The following RPL37A variants were observed in gnomAD, a reference collection of about 807,000 sequenced individuals.
RPL37A encodes the protein large ribosomal subunit protein eL43.
Under a neutral mutation model 13.6 loss-of-function variants are expected in RPL37A, and 5 were observed. That is an observed-to-expected ratio of 0.37 (90% confidence interval 0.19 to 0.78). RPL37A has a LOEUF of 0.78. RPL37A is among the 30% of genes least tolerant of loss of function. The probability of loss-of-function intolerance (pLI) is 0.49; values close to 1 mark genes in which losing one functional copy is unlikely to be tolerated. For missense variants in RPL37A, 77 were observed against 120.0 expected (o/e 0.64, Z 1.67); for synonymous variants, 50 against 44.4 (o/e 1.13, Z -0.50).
intron 2 of RPL37A, chr2:216,499,719 G>A (rs1010156005): frequency 3.1e-5 from 21 of 684,826 alleles, no homozygotes; most frequent in Non-Finnish European, 5.0e-5. Context: ...CTCCCAAGAT[G>A]TCTGTGCATC....
Position 216,499,955 on chromosome 2 carries a change from A to T in RPL37A, c.139A>T (p.Met47Leu). Reference protein sequence around the residue: ...YTCSFCGKTKMKRRAVGIWHC... With the variant: ...YTCSFCGKTKLKRRAVGIWHC... ...AATTGGTTCTCTTTTATAGACCAAG[A>T]TGAAGAGACGAGCTGTGGGGATCTG... Residue 47 changes from methionine to leucine, a missense_variant, in exon 3 of 4, where the codon ATG becomes TTG. Around this residue, in one of 3 missense-constraint regions of RPL37A, gnomAD observed 59 missense variants for 65.5 expected, o/e 0.90. Coordinates refer to ENST00000491306, the MANE Select transcript of RPL37A (RefSeq NM_000998.5). 2 of 1,613,924 alleles carry T rather than the reference A, an allele frequency of 1.2e-6. No homozygotes were observed. The highest frequency in any genetic ancestry group is 1.7e-6 in the Non-Finnish European group (2 of 1,179,756).
chr2:216,501,251 C>T (rs1574497914), intron 3 of RPL37A, 90 bp from the exon 4 acceptor site: 1 of 1,109,372 alleles, frequency 9.0e-7, no homozygotes, highest in East Asian at 2.4e-5. Context: ...TGGGAAGCGA[C>T]TTTAACACAA....
chr2:216,498,848 C>T lies in RPL37A; in HGVS notation c.-27C>T, dbSNP rs763385662. The T allele has an allele frequency of 1.7e-5, 27 of 1,613,986 alleles. No individual in the cohort carries two copies. The highest frequency in any genetic ancestry group is 1.6e-4 in the African/African-American group (12 of 74,948). ...GCCTGCGCACCGCGTCTCTTCCTTT[C>T]TGGGCTCGGACCTAGGTCGCGGCGA... On this transcript the variant is annotated 5_prime_UTR_variant, in exon 1 of 4. Coordinates refer to ENST00000491306, the MANE Select transcript of RPL37A (RefSeq NM_000998.5).
intron 3 of RPL37A, chr2:216,500,344 T>G: frequency 2.7e-6 from 1 of 370,946 alleles, no homozygotes; most frequent in Non-Finnish European, 5.0e-6. Flanking sequence ...GAACGTTGAT[T>G]TGCACTGCAA....
In RPL37A at chr2:216,499,916, T is replaced by C. The variant is rs137957579; in HGVS notation, c.133-33T>C. 3,980 of 1,553,028 alleles carry C rather than the reference T, an allele frequency of 2.6e-3. 6 individuals carry two copies. Among genetic ancestry groups the C allele is most frequent in the Non-Finnish European group, 3.4e-3 (3,774 of 1,124,394 alleles). ...ATGCTTGTAAGAGAAAATACTTACT[T>C]GGTTCATAGTGAAAATTGGTTCTCT... is the stretch of plus-strand genomic sequence containing the variant. On this transcript the variant is annotated intron_variant, in intron 2 of 3. Coordinates refer to ENST00000491306, the MANE Select transcript of RPL37A (RefSeq NM_000998.5).
At chr2:216,499,081 A>AC (rs1695551314) in intron 1 of RPL37A, 189 bp from the exon 2 acceptor site, 1 of 1,136,360 alleles carries the variant, frequency 8.8e-7, no homozygotes, top group African/African-American at 1.6e-5. Flanking sequence ...AGCCGGGTTA[A>AC]CGCCGGGCCT....
chr2:216,499,172 C>G, intron 1 of RPL37A, 98 bp from the exon 2 acceptor site: 1 of 1,396,430 alleles, frequency 7.2e-7, no homozygotes, highest in Non-Finnish European at 9.8e-7. Flanking sequence ...ATTCACATGT[C>G]GGTCACACGT....
In RPL37A at chr2:216,499,372, A is replaced by G. The variant is rs1804336; in HGVS notation, c.106A>G (p.Lys36Glu). 22 of 1,614,208 alleles carry G rather than the reference A, an allele frequency of 1.4e-5. 2 individuals are homozygous for G. The South Asian group carries it at 2.4e-4, about 18-fold the overall frequency. ...GAAAATTGAAATCAGCCAGCACGCC[A>G]AGTACACTTGCTCTTTCTGTGGCAA... ...VKKIEISQHA[K>E]YTCSFCGKTK... Residue 36 changes from lysine (K) to glutamate (E), a missense_variant, in exon 2 of 4, where the codon AAG becomes GAG. This residue lies in a region of RPL37A where 59 missense variants were observed against 65.5 expected (regional missense o/e 0.90). Coordinates refer to ENST00000491306, the MANE Select transcript of RPL37A (RefSeq NM_000998.5).
Position 216,501,502 on chromosome 2 carries a change from ATGT to A in RPL37A, c.*100_*102del. 1 of 776,636 alleles carries A rather than the reference ATGT, an allele frequency of 1.3e-6. No individual in the cohort carries two copies. Among genetic ancestry groups the A allele is most frequent in the Non-Finnish European group, 2.2e-6 (1 of 454,698 alleles). 48.1% of individuals were successfully genotyped at this position (776,636 alleles called of 1,614,324 possible). A position where few individuals can be genotyped will look rare whatever the true frequency, so the allele number is the denominator to read the frequency against. On this transcript the variant is annotated 3_prime_UTR_variant, in exon 4 of 4. Coordinates refer to ENST00000491306, the MANE Select transcript of RPL37A (RefSeq NM_000998.5). Reference sequence around the variant, plus strand: ...CTTGTTAACTTTATTAGACATTCTGATGTTTGCATTGTGTAAATACTGTTGTAT... The same window carrying A: ...CTTGTTAACTTTATTAGACATTCTGATTGCATTGTGTAAATACTGTTGTAT...
chr2:216,503,530 G>A lies in RPL37A; in HGVS notation c.*2126G>A, dbSNP rs1057129419. On this transcript the variant is annotated 3_prime_UTR_variant, in exon 4 of 4. Transcript: ENST00000491306. ...GTGCCTCAGCCTCCGAAGTAGCTGG[G>A]ATTACAGGCTTATGCCACAAAGCTC... 1 of 152,200 alleles carries A rather than the reference G, an allele frequency of 6.6e-6. No homozygotes were observed. Among genetic ancestry groups the A allele is most frequent in the Non-Finnish European group, 1.5e-5 (1 of 68,054 alleles). 9.4% of individuals were successfully genotyped at this position (152,200 alleles called of 1,614,324 possible).
Position 216,501,207 on chromosome 2 carries a change from A to G in RPL37A, c.216-134A>G, listed in dbSNP as rs918739068. 6.8e-5 allele frequency: 43 copies of G among 628,232 alleles called. 1 individual carries two copies. The highest frequency in any genetic ancestry group is 1.2e-4 in the Non-Finnish European group (41 of 348,586). The allele number at this position is 628,232 out of a possible 1,614,324, so 38.9% of individuals were successfully genotyped here. A position where few individuals can be genotyped will look rare whatever the true frequency, so the allele number is the denominator to read the frequency against. On this transcript the variant is annotated intron_variant, in intron 3 of 3. Coordinates refer to ENST00000491306, the MANE Select transcript of RPL37A (RefSeq NM_000998.5). ...GACTGCAGCAAAGTATTGGTAGAGC[A>G]GTCTATCTCAGTATAATTCTTTCTA...
At chr2:216,501,281 A>T in intron 3 of RPL37A, 60 bp from the exon 4 acceptor site, 1 of 1,421,856 alleles carries the variant, frequency 7.0e-7, no homozygotes, top group Non-Finnish European at 9.9e-7. Flanking sequence ...AGATTTACTT[A>T]TTTGCCATTT....
At chr2:216,500,377 G>C (rs971905444) in intron 3 of RPL37A, 1 of 316,488 alleles carries the variant, frequency 3.2e-6, no homozygotes, top group Admixed American at 4.8e-5. Flanking sequence ...ATAGGTGAAG[G>C]GGTCAGTTAG....
chr2:216,498,944 G>T, intron 1 of RPL37A, 67 bp downstream of exon 1: 1 of 1,594,576 alleles, frequency 6.3e-7, no homozygotes, highest in Non-Finnish European at 8.6e-7. Context: ...TTCTTCTCCC[G>T]CACCCATCTC....
intron 1 of RPL37A, 27 bp from the exon 2 acceptor site, chr2:216,499,243 A>C: frequency 6.2e-7 from 1 of 1,605,122 alleles, no homozygotes; most frequent in Non-Finnish European, 8.5e-7. Context: ...CAGGTCTATC[A>C]CTGGTTTCTC....
intron 2 of RPL37A, 110 bp from the exon 3 acceptor site, chr2:216,499,839 G>T: frequency 4.4e-6 from 4 of 918,648 alleles, no homozygotes; most frequent in Non-Finnish European, 7.1e-6. Flanking sequence ...GAGGGAGAAA[G>T]GGAGGCTTTC....
At position 216,498,880 on chromosome 2, in the gene RPL37A, G is replaced by A. The variant is rs147260036; in HGVS notation, c.3+3G>A. On this transcript the variant is annotated splice_donor_region_variant and intron_variant, in intron 1 of 3. Transcript: ENST00000491306. ...CGGACCTAGGTCGCGGCGACATGGTGAGTGTGGGTCTCTGTGCGGCCTAGA... is the reference window on the plus strand; with the variant it reads ...CGGACCTAGGTCGCGGCGACATGGTAAGTGTGGGTCTCTGTGCGGCCTAGA... The A allele has an allele frequency of 6.1e-5, 99 of 1,613,982 alleles. No individual in the cohort carries two copies. Among genetic ancestry groups the A allele is most frequent in the Non-Finnish European group, 8.2e-5 (97 of 1,179,948 alleles).
chr2:216,498,959 C>T, intron 1 of RPL37A, 82 bp downstream of exon 1: 2 of 1,558,326 alleles, frequency 1.3e-6, no homozygotes, highest in Non-Finnish European at 1.8e-6. Context: ...CATCTCCTCT[C>T]CTGCCTTACC....
rs779132623 is a variant in RPL37A, at chr2:216,502,983, TC to T, written c.*1581del. 5 of 152,260 alleles carry T rather than the reference TC, an allele frequency of 3.3e-5. No individual in the cohort carries two copies. In the East Asian group the frequency reaches 5.8e-4, roughly 18 times the overall value. 9.4% of individuals were successfully genotyped at this position (152,260 alleles called of 1,614,324 possible). A position where few individuals can be genotyped will look rare whatever the true frequency, so the allele number is the denominator to read the frequency against. The stretch of plus-strand genomic sequence containing the variant: ...TCTCATTTGTGTCACAAAATGGTAC[TC>T]CTACTGATTTTGTAATGTGAAGCAA... On this transcript the variant is annotated 3_prime_UTR_variant, in exon 4 of 4. Coordinates refer to ENST00000491306, the MANE Select transcript of RPL37A (RefSeq NM_000998.5).
Sources: allele counts gnomAD v4.1 joint callset, GRCh38; gene constraint gnomAD v4.1.1; regional missense constraint gnomAD v4.1.1; transcripts MANE v1.5; gene names NCBI Gene and HGNC (gene_info 2026-07-23, HGNC 2026-07-21).